The following NDRG3 variants were observed in gnomAD, a reference collection of about 807,000 sequenced individuals.
NDRG3 encodes the protein NDRG family member 3.
In NDRG3, 23 loss-of-function variants were observed where a neutral mutation model predicts 57.2. The observed-to-expected ratio is 0.40, with a 90% confidence interval of 0.29 to 0.57. The LOEUF is 0.57. Ranked by LOEUF, NDRG3 falls within the 20% of genes least tolerant of loss-of-function variation. The probability of loss-of-function intolerance (pLI) is 0.42; values close to 1 mark genes in which losing one functional copy is unlikely to be tolerated. For missense variants in NDRG3, 384 were observed against 457.3 expected, an observed-to-expected ratio of 0.84 and a Z score of 1.46; for synonymous variants, 132 against 162.6, an observed-to-expected ratio of 0.81 and a Z score of 1.43.
chr20:36,668,965 G>A (rs1305845153), intron 9 of NDRG3, among the ~76,000 whole-genome samples: 1 of 151,902 alleles, frequency 6.6e-6, no homozygotes, highest in Non-Finnish European at 1.5e-5. Flanking sequence ...TGCCCAGGCT[G>A]GTCTCGAATT....
chr20:36,694,581 T>C (rs2148138703), intron 3 of NDRG3, among the ~76,000 whole-genome samples: 1 of 152,270 alleles, frequency 6.6e-6, no homozygotes, highest in East Asian at 1.9e-4. Context: ...ATCCATACCT[T>C]GAAACCCTTC....
Position 36,670,750 on chromosome 20 carries a change from C to T in NDRG3, c.588+591G>A, listed in dbSNP as rs565574077. On this transcript the variant is annotated intron_variant, in intron 9 of 15. Transcript: ENST00000349004. ...CCCACTCTCGTCTCCCCATTCTAGA[C>T]ACCTCACAGCTTTCTGACCTCACTG... Among the ~76,000 whole-genome samples the T allele has an allele frequency of 5.9e-5, 9 of 152,340 alleles. No individual in the cohort carries two copies. The East Asian group carries it at 1.3e-3, about 23-fold the overall frequency.
intron 1 of NDRG3, among the ~76,000 whole-genome samples, chr20:36,723,434 A>T (rs1418106646): frequency 2.6e-5 from 4 of 152,234 alleles, no homozygotes; most frequent in African/African-American, 9.6e-5. Flanking sequence ...TAAACCTATC[A>T]AGTCAGGAAA....
At chr20:36,689,717 ATTTTT>A (rs11366908) in intron 3 of NDRG3, among the ~76,000 whole-genome samples, 3 of 97,214 alleles carry the variant, frequency 3.1e-5, no homozygotes, top group African/African-American at 3.7e-5. Context: ...GAACTAAGAG[ATTTTT>A]TTTTTTTTTT....
chr20:36,688,577 G>C, intron 4 of NDRG3, 102 bp downstream of exon 4: 1 of 849,926 alleles, frequency 1.2e-6, no homozygotes, highest in Non-Finnish European at 1.9e-6. Flanking sequence ...TTACCACAGA[G>C]AGGGGGAAAC....
chr20:36,707,629 T>C (rs766212934), intron 2 of NDRG3, among the ~76,000 whole-genome samples: 15 of 152,132 alleles, frequency 9.9e-5, no homozygotes, highest in Admixed American at 4.6e-4. Flanking sequence ...CATTGAATCA[T>C]TTAAAAAGTC....
intron 6 of NDRG3, 110 bp from the exon 7 acceptor site, chr20:36,682,688 G>A (rs58433742): frequency 1.1e-6 from 1 of 880,864 alleles, no homozygotes; most frequent in Non-Finnish European, 1.8e-6. Flanking sequence ...ATATTTATTA[G>A]ATGTGAGAAT....
chr20:36,715,681 G>C (rs1054799117), intron 2 of NDRG3, among the ~76,000 whole-genome samples: 3 of 151,548 alleles, frequency 2.0e-5, no homozygotes, highest in African/African-American at 7.3e-5. Context: ...GGCCAGGCAT[G>C]GTGGGCACAC....
chr20:36,663,438 A>G (rs957687130), intron 12 of NDRG3, among the ~76,000 whole-genome samples: 4 of 152,266 alleles, frequency 2.6e-5, no homozygotes, highest in African/African-American at 9.6e-5. Context: ...GTAATTTCAC[A>G]GAGATATTTA....
At chr20:36,656,304 A>C (rs1241176097) in intron 15 of NDRG3, 56 bp downstream of exon 15, 2 of 1,564,648 alleles carry the variant, frequency 1.3e-6, no homozygotes, top group Non-Finnish European at 1.8e-6. Flanking sequence ...CCAGATGTGA[A>C]ACTGGCTCCC....
chr20:36,693,862 A>C (rs1000998995), intron 3 of NDRG3, among the ~76,000 whole-genome samples: 1 of 151,874 alleles, frequency 6.6e-6, no homozygotes, highest in African/African-American at 2.4e-5. Context: ...TATATATTAC[A>C]ATGTAATAAT....
intron 3 of NDRG3, among the ~76,000 whole-genome samples, chr20:36,695,358 G>A (rs1199667946): frequency 6.6e-6 from 1 of 152,204 alleles, no homozygotes; most frequent in Non-Finnish European, 1.5e-5. Context: ...ATGTTCAAGG[G>A]AACAAGGGAG....
chr20:36,681,656 T>G (rs902922230), intron 7 of NDRG3, among the ~76,000 whole-genome samples: 4 of 146,344 alleles, frequency 2.7e-5, no homozygotes, highest in African/African-American at 1.0e-4. Flanking sequence ...AAAAAAAAAA[T>G]TTATAATAGG....
chr20:36,700,641 T>A, intron 3 of NDRG3: 1 of 359,296 alleles, frequency 2.8e-6, no homozygotes. Flanking sequence ...TTATCTCATC[T>A]CCCACCCCAG....
chr20:36,653,489 A>C lies in NDRG3; in HGVS notation c.*31T>G. 1.3e-6 allele frequency: 2 copies of C among 1,598,888 alleles called. No homozygotes were observed. Among genetic ancestry groups the C allele is most frequent in the Non-Finnish European group, 1.7e-6 (2 of 1,168,600 alleles). Reference sequence around the variant, plus strand: ...TATGGAGTGGTCATTTGAAGGATGGACTTGCAATGGTCCAGGGGAGGAGCA... The same window carrying C: ...TATGGAGTGGTCATTTGAAGGATGGCCTTGCAATGGTCCAGGGGAGGAGCA... On this transcript the variant is annotated 3_prime_UTR_variant, in exon 16 of 16. Coordinates refer to ENST00000349004, the MANE Select transcript of NDRG3 (RefSeq NM_032013.4). The surrounding 1 kb of genome is among the most constrained non-coding windows in gnomAD (Gnocchi z 4.2).
intron 3 of NDRG3, among the ~76,000 whole-genome samples, chr20:36,693,143 C>G (rs6124210): frequency 4.1e-5 from 1 of 24,632 alleles, no homozygotes; most frequent in Non-Finnish European, 8.0e-5. Flanking sequence ...TATATATATA[C>G]ACACACACAC....
At chr20:36,732,064 C>T (rs567098703) in intron 1 of NDRG3, among the ~76,000 whole-genome samples, 13 of 151,680 alleles carry the variant, frequency 8.6e-5, no homozygotes, top group Non-Finnish European at 1.5e-4. Flanking sequence ...GAGGCTGCAG[C>T]GAGCCACGAC....
intron 2 of NDRG3, among the ~76,000 whole-genome samples, chr20:36,720,782 T>C (rs1312175493): frequency 6.6e-6 from 1 of 151,414 alleles, no homozygotes; most frequent in Non-Finnish European, 1.5e-5. Context: ...TCTTTTTTTT[T>C]TTTTTTGAGA....
chr20:36,712,585 A>AGATTT (rs1983978596), intron 2 of NDRG3, among the ~76,000 whole-genome samples: 1 of 8,488 alleles, frequency 1.2e-4, no homozygotes, highest in Non-Finnish European at 2.4e-4. Context: ...ATATATATAT[A>AGATTT]TATTTTTTTT....
Sources: gnomAD v4.1 joint callset for allele counts (sites outside exome capture counted in the v4.1 genomes callset) on GRCh38, gnomAD v4.1.1 for gene constraint, Gnocchi (gnomAD v3.1) non-coding constraint, MANE v1.5 for transcripts, NCBI Gene and HGNC (gene_info 2026-07-23, HGNC 2026-07-21) for gene names.